Variants in FOXP1 observed in about 807,000 individuals in gnomAD.
The protein encoded by FOXP1 is forkhead box P1.
A neutral mutation model predicts 98.2 loss-of-function variants in FOXP1; 15 were observed. That is an observed-to-expected ratio of 0.15 (90% CI 0.10 to 0.24). The LOEUF is 0.24. FOXP1 is among the 10% of genes least tolerant of loss of function. FOXP1 has a pLI of 1.00. For synonymous variants in FOXP1, 371 were observed against 314.5 expected, an observed-to-expected ratio of 1.18 and a Z score of -1.90; for missense variants, 633 against 848.5, an observed-to-expected ratio of 0.75 and a Z score of 3.15.
At chr3:71,388,463 C>A (rs1467200931) in intron 3 of FOXP1, among the ~76,000 whole-genome samples, 2 of 152,054 alleles carry the variant, frequency 1.3e-5, no homozygotes, top group Non-Finnish European at 1.5e-5. Flanking sequence ...ACATGCATTA[C>A]TTCATCAACA....
chr3:71,554,913 C>T (rs962404025), intron 2 of FOXP1, among the ~76,000 whole-genome samples: 1 of 151,984 alleles, frequency 6.6e-6, no homozygotes, highest in Non-Finnish European at 1.5e-5. Flanking sequence ...ATTATGTCCC[C>T]AAGAGTAGAT....
intron 2 of FOXP1, among the ~76,000 whole-genome samples, chr3:71,494,991 AG>A (rs2091308735): frequency 6.6e-6 from 1 of 152,192 alleles, no homozygotes; most frequent in African/African-American, 2.4e-5. Context: ...TACCATCTTT[AG>A]GATAAAATTT....
chr3:71,226,535 T>C (rs1007830588), intron 5 of FOXP1, among the ~76,000 whole-genome samples: 2 of 149,668 alleles, frequency 1.3e-5, no homozygotes, highest in African/African-American at 4.9e-5. Context: ...GGGGTCCCTA[T>C]TGCTTCCCGG....
chr3:71,501,712 T>C (rs1560573615), intron 2 of FOXP1, among the ~76,000 whole-genome samples: 1 of 152,194 alleles, frequency 6.6e-6, no homozygotes, highest in African/African-American at 2.4e-5. Context: ...GCAAGGTGAC[T>C]ATAGTCAAAA....
chr3:71,265,099 TC>T (rs1308951514), intron 5 of FOXP1, among the ~76,000 whole-genome samples: 1 of 152,084 alleles, frequency 6.6e-6, no homozygotes. Flanking sequence ...TAGCTCTAAT[TC>T]CAGGAATCTA....
At chr3:71,213,880 T>C (rs1348419619) in intron 5 of FOXP1, among the ~76,000 whole-genome samples, 1 of 152,096 alleles carries the variant, frequency 6.6e-6, no homozygotes, top group Non-Finnish European at 1.5e-5. Flanking sequence ...TACAAACACA[T>C]AAAAATGGTA....
intron 4 of FOXP1, among the ~76,000 whole-genome samples, chr3:71,351,093 T>C (rs2077750005): frequency 6.6e-6 from 1 of 152,160 alleles, no homozygotes; most frequent in African/African-American, 2.4e-5. Context: ...TCTTTTCTGC[T>C]GGAGTTGCTA....
intron 6 of FOXP1, among the ~76,000 whole-genome samples, chr3:71,127,727 A>T (rs1309479279): frequency 1.3e-5 from 2 of 152,236 alleles, no homozygotes; most frequent in Non-Finnish European, 2.9e-5. Flanking sequence ...TAACAACAGG[A>T]CATTTTCCCA....
intron 6 of FOXP1, among the ~76,000 whole-genome samples, chr3:71,169,064 G>T (rs2061521915): frequency 6.6e-6 from 1 of 152,168 alleles, no homozygotes; most frequent in Non-Finnish European, 1.5e-5. Flanking sequence ...ACTTGATTAA[G>T]GTGCCAGCAT....
intron 3 of FOXP1, among the ~76,000 whole-genome samples, chr3:71,413,338 A>G (rs1435551959): frequency 2.0e-5 from 3 of 151,632 alleles, no homozygotes; most frequent in African/African-American, 2.4e-5. Context: ...ATGACACTTC[A>G]TCCATATGAC....
At chr3:70,987,366 T>C (rs542640248) in intron 14 of FOXP1, among the ~76,000 whole-genome samples, 1 of 152,240 alleles carries the variant, frequency 6.6e-6, no homozygotes, top group Non-Finnish European at 1.5e-5. Flanking sequence ...TAAAAGGGAA[T>C]AAGGCAAGAA....
At chr3:71,580,869 T>C (rs2048109917) in intron 2 of FOXP1, 2 of 985,268 alleles carry the variant, frequency 2.0e-6, no homozygotes, top group Non-Finnish European at 2.4e-6. Flanking sequence ...TCAAAGGGAA[T>C]CCAGAATGCT....
intron 5 of FOXP1, among the ~76,000 whole-genome samples, chr3:71,226,912 C>T (rs1044314570): frequency 5.9e-5 from 9 of 152,274 alleles, no homozygotes; most frequent in Non-Finnish European, 1.2e-4. Flanking sequence ...AGCCAAAGCA[C>T]GCAGGATGTC....
intron 11 of FOXP1, among the ~76,000 whole-genome samples, chr3:71,034,104 T>C (rs1436587972): frequency 6.6e-6 from 1 of 152,152 alleles, no homozygotes; most frequent in Non-Finnish European, 1.5e-5. Context: ...TGTGCGTCAC[T>C]GGTTTCTAAC....
rs1003781655 is a variant in FOXP1 at position 70,957,292 on chromosome 3, A to G, written c.*1955T>C. 1.8e-5 allele frequency: 4 copies of G among 226,684 alleles called. No homozygotes were observed. The highest frequency in any genetic ancestry group is 8.9e-5 in the African/African-American group (4 of 44,956). The allele number at this position is 226,684 out of a possible 1,614,324, so 14.0% of individuals were successfully genotyped here. On this transcript the variant is annotated 3_prime_UTR_variant, in exon 21 of 21. Transcript: ENST00000649528. ...GTAGAGGTACACAAAAAGAAAAAGG[A>G]AAAATAACTACTAGAAAAAAGTAAC...
chr3:71,179,338 G>C (rs923979348), intron 6 of FOXP1, among the ~76,000 whole-genome samples: 3 of 151,880 alleles, frequency 2.0e-5, no homozygotes, highest in Non-Finnish European at 4.4e-5. Context: ...GAACTCCTGA[G>C]TTCAAGTGAT....
chr3:71,029,380 C>T lies in FOXP1; in HGVS notation c.869+11948G>A, dbSNP rs548329801. 1.4e-3 allele frequency among the ~76,000 whole-genome samples: 218 copies of T among 152,058 alleles called. 1 individual carries two copies. The highest frequency in any genetic ancestry group is 2.2e-3 in the Non-Finnish European group (151 of 67,958). On this transcript the variant is annotated intron_variant, in intron 11 of 20. Transcript: ENST00000649528. ...GGAACATACACACACTATGATGTTC[C>T]ACTAGTGCTCTTTTTTTTTTATTTT...
intron 3 of FOXP1, among the ~76,000 whole-genome samples, chr3:71,382,424 C>G (rs529204936): frequency 6.6e-6 from 1 of 152,310 alleles, no homozygotes; most frequent in South Asian, 2.1e-4. Context: ...GATTGCACCC[C>G]AGCTCCAGTG....
At chr3:71,229,811 T>C (rs867195371) in intron 5 of FOXP1, among the ~76,000 whole-genome samples, 4 of 152,124 alleles carry the variant, frequency 2.6e-5, no homozygotes, top group Non-Finnish European at 5.9e-5. Flanking sequence ...GTACCCACTG[T>C]CTAGTAAACA....
Sources: gnomAD v4.1 joint callset for allele counts (sites outside exome capture counted in the v4.1 genomes callset) on GRCh38, gnomAD v4.1.1 for gene constraint, MANE v1.5 for transcripts, NCBI Gene and HGNC (gene_info 2026-07-23, HGNC 2026-07-21) for gene names.